Variants in MCTP1 observed in about 807,000 individuals in gnomAD.
MCTP1 encodes the protein multiple C2 and transmembrane domain containing 1.
A neutral mutation model predicts 120.6 loss-of-function variants in MCTP1; 69 were observed. That is an observed-to-expected ratio of 0.57 (90% CI 0.47 to 0.70). MCTP1 has a LOEUF of 0.70. Among genes scored for constraint, MCTP1 ranks in the 30% least tolerant of loss-of-function variants. MCTP1 has a pLI of 0.00. For synonymous variants in MCTP1, 529 were observed against 493.1 expected (o/e 1.07, Z -0.96); for missense variants, 1,203 against 1,248.8 (o/e 0.96, Z 0.55).
At chr5:95,054,734 G>C (rs1477393089) in intron 1 of MCTP1, among the ~76,000 whole-genome samples, 2 of 152,164 alleles carry the variant, frequency 1.3e-5, no homozygotes, top group East Asian at 1.9e-4. Context: ...CAGAAAGCTG[G>C]CCATCTACTT....
chr5:95,062,039 C>A (rs1749370065), intron 1 of MCTP1, among the ~76,000 whole-genome samples: 1 of 152,160 alleles, frequency 6.6e-6, no homozygotes, highest in Admixed American at 6.5e-5. Flanking sequence ...TGGTTCTTAT[C>A]CAAGCTAGTA....
intron 17 of MCTP1, among the ~76,000 whole-genome samples, chr5:94,802,222 T>C (rs955376372): frequency 6.6e-6 from 1 of 152,200 alleles, no homozygotes; most frequent in Non-Finnish European, 1.5e-5. Flanking sequence ...ATGAGAGCTT[T>C]GAATAAGTTG....
intron 1 of MCTP1, among the ~76,000 whole-genome samples, chr5:95,148,165 G>A (rs1020659563): frequency 1.3e-5 from 2 of 152,164 alleles, no homozygotes; most frequent in African/African-American, 4.8e-5. Flanking sequence ...TGAACCTGAT[G>A]ACTATGTGCT....
chr5:95,058,023 C>A (rs1008161325), intron 1 of MCTP1, among the ~76,000 whole-genome samples: 22 of 151,560 alleles, frequency 1.5e-4, no homozygotes, highest in Admixed American at 8.6e-4. Flanking sequence ...ACAACAACAA[C>A]AAAAAACCTA....
Position 94,996,498 on chromosome 5 carries a change from T to A in MCTP1, c.838+20869A>T, listed in dbSNP as rs186591011. ...ATACCAAAATACATGGATGCCCAAG[T>A]CCCTGATAGAAAATGGTGTTGTATT... On this transcript the variant is annotated intron_variant, in intron 2 of 22. Transcript: ENST00000515393. Among the ~76,000 whole-genome samples, 3 of 152,266 alleles carry A rather than the reference T, an allele frequency of 2.0e-5. No homozygotes were observed. In the East Asian group the frequency reaches 5.8e-4, roughly 29 times the overall value.
chr5:94,708,863 T>C, intron 21 of MCTP1: 1 of 306,630 alleles, frequency 3.3e-6, no homozygotes, highest in Non-Finnish European at 6.1e-6. Context: ...TAATTAGCAA[T>C]ATCTTGGTTT....
chr5:95,086,200 T>C (rs1755432140), intron 1 of MCTP1, among the ~76,000 whole-genome samples: 1 of 152,148 alleles, frequency 6.6e-6, no homozygotes, highest in African/African-American at 2.4e-5. Flanking sequence ...CTGAGAAAAA[T>C]TTCTATTTCT....
At chr5:95,271,479 A>G (rs1759393880) in intron 1 of MCTP1, among the ~76,000 whole-genome samples, 1 of 151,882 alleles carries the variant, frequency 6.6e-6, no homozygotes, top group Non-Finnish European at 1.5e-5. Flanking sequence ...AAAAAAATGA[A>G]CTATATCAAT....
chr5:94,947,571 T>G (rs1307959677), intron 3 of MCTP1, among the ~76,000 whole-genome samples: 3 of 50,160 alleles, frequency 6.0e-5, no homozygotes, highest in South Asian at 6.8e-4. Flanking sequence ...TATATATATA[T>G]ATATATAGAG....
chr5:94,880,869 C>T (rs1008314675), intron 12 of MCTP1, among the ~76,000 whole-genome samples: 1 of 152,064 alleles, frequency 6.6e-6, no homozygotes. Flanking sequence ...AATTTGCCTT[C>T]TGTAGTAATT....
At chr5:94,753,308 T>G (rs1489272768) in intron 19 of MCTP1, among the ~76,000 whole-genome samples, 2 of 152,224 alleles carry the variant, frequency 1.3e-5, no homozygotes, top group African/African-American at 4.8e-5. Context: ...CTCCTAAGTT[T>G]TTAGTTCTCT....
At chr5:94,710,729 G>T in intron 21 of MCTP1, 89 bp downstream of exon 21, 1 of 763,820 alleles carries the variant, frequency 1.3e-6, no homozygotes, top group South Asian at 1.8e-5. Context: ...ATAAATACAG[G>T]GAACTGCTGA....
At chr5:94,958,731 A>G (rs898241825) in intron 2 of MCTP1, among the ~76,000 whole-genome samples, 101 of 152,228 alleles carry the variant, frequency 6.6e-4, no homozygotes, top group African/African-American at 2.4e-3. Context: ...AGGAAGTTGA[A>G]TCCCTGAATA....
chr5:94,869,753 G>C (rs995637969), intron 16 of MCTP1, among the ~76,000 whole-genome samples: 2 of 151,906 alleles, frequency 1.3e-5, no homozygotes, highest in African/African-American at 4.8e-5. Flanking sequence ...AAAAGGGGTG[G>C]TTTAGCACTT....
intron 1 of MCTP1, among the ~76,000 whole-genome samples, chr5:95,103,853 A>G (rs1331088068): frequency 6.6e-6 from 1 of 152,152 alleles, no homozygotes; most frequent in Non-Finnish European, 1.5e-5. Flanking sequence ...TATGAGCACA[A>G]TGGCTTGAAG....
chr5:94,927,098 T>C (rs1813334029), intron 6 of MCTP1, among the ~76,000 whole-genome samples: 1 of 152,210 alleles, frequency 6.6e-6, no homozygotes, highest in Non-Finnish European at 1.5e-5. Context: ...TGGGGAAATA[T>C]TGTCAAAATA....
At chr5:94,760,873 C>T (rs930311200) in intron 19 of MCTP1, among the ~76,000 whole-genome samples, 8 of 151,908 alleles carry the variant, frequency 5.3e-5, no homozygotes, top group African/African-American at 1.7e-4. Context: ...TTCATAGAGA[C>T]AGGGTCCCAC....
intron 1 of MCTP1, among the ~76,000 whole-genome samples, chr5:95,236,458 A>T (rs1444913846): frequency 6.6e-6 from 1 of 152,158 alleles, no homozygotes; most frequent in African/African-American, 2.4e-5. Flanking sequence ...CCTGGAAAAA[A>T]TAGTTAATAG....
chr5:94,707,122 AAAATC>A lies in MCTP1; in HGVS notation c.*369_*373del, dbSNP rs2152515724. 1.3e-5 allele frequency: 2 copies of A among 157,738 alleles called. No homozygotes were observed. The highest frequency in any genetic ancestry group is 3.7e-4 in the East Asian group (2 of 5,452). The allele number at this position is 157,738 out of a possible 1,614,324, so 9.8% of individuals were successfully genotyped here. A position where few individuals can be genotyped will look rare whatever the true frequency, so the allele number is the denominator to read the frequency against. ...AATAGTCGCATTAAAAAAAAACTTTAAAATCAAATCGACATTTACAATTGATGTAG... is the reference window on the plus strand; with the variant it reads ...AATAGTCGCATTAAAAAAAAACTTTAAAATCGACATTTACAATTGATGTAG... On this transcript the variant is annotated 3_prime_UTR_variant, in exon 23 of 23. Transcript: ENST00000515393.
Sources: gnomAD v4.1 joint callset for allele counts (sites outside exome capture counted in the v4.1 genomes callset) on GRCh38, gnomAD v4.1.1 for gene constraint, MANE v1.5 for transcripts, NCBI Gene and HGNC (gene_info 2026-07-23, HGNC 2026-07-21) for gene names.